Variants in PRDM11 observed in about 807,000 individuals in gnomAD.
The protein encoded by PRDM11 is PR/SET domain 11.
PRDM11 carries 20 observed loss-of-function variants against 97.8 expected under a neutral mutation model. That is an observed-to-expected ratio of 0.20 (90% CI 0.14 to 0.30). The LOEUF is 0.30. PRDM11 is among the 10% of genes least tolerant of loss of function. PRDM11 has a pLI of 1.00. For synonymous variants in PRDM11, 599 were observed against 637.7 expected (o/e 0.94, Z 0.91); for missense variants, 1,139 against 1,555.2 (o/e 0.73, Z 4.50).
chr11:45,212,830 G>C (rs1397458238), intron 5 of PRDM11: 1 of 451,546 alleles, frequency 2.2e-6, no homozygotes, highest in Non-Finnish European at 4.5e-6. Flanking sequence ...CCATGGCCGA[G>C]CTGACCAGCC....
intron 5 of PRDM11, chr11:45,212,863 G>A (rs1487754459): frequency 1.6e-5 from 7 of 438,254 alleles, no homozygotes; most frequent in Admixed American, 2.4e-5. Flanking sequence ...TGTGCCAGAC[G>A]CTGACAGAGA....
At chr11:45,225,093 G>T (rs1854242048) in intron 7 of PRDM11, 2 of 1,435,062 alleles carry the variant, frequency 1.4e-6, no homozygotes, top group Non-Finnish European at 1.8e-6. Context: ...GCTGCAGAAG[G>T]GGTGTGTGCT....
At chr11:45,180,267 C>A (rs1399970990) in intron 1 of PRDM11, among the ~76,000 whole-genome samples, 3 of 152,228 alleles carry the variant, frequency 2.0e-5, no homozygotes, top group Admixed American at 6.5e-5. Context: ...CCTGGCATAA[C>A]GCAGCCAGGA....
At chr11:45,133,993 C>T (rs1590365687) in intron 1 of PRDM11, among the ~76,000 whole-genome samples, 1 of 152,206 alleles carries the variant, frequency 6.6e-6, no homozygotes, top group African/African-American at 2.4e-5. Flanking sequence ...AGCCTTTGCC[C>T]TCTGCAGCTG....
chr11:45,155,928 T>TGCTA (rs1390081062), intron 1 of PRDM11, among the ~76,000 whole-genome samples: 1 of 152,154 alleles, frequency 6.6e-6, no homozygotes, highest in Non-Finnish European at 1.5e-5. Context: ...TGTCCCATGA[T>TGCTA]GCTAGTGTTA....
At chr11:45,182,131 T>C in intron 2 of PRDM11, 115 bp from the exon 3 acceptor site, 1 of 920,590 alleles carries the variant, frequency 1.1e-6, no homozygotes, top group Non-Finnish European at 1.7e-6. Context: ...CTGGGACTCC[T>C]CTGCCCACCC....
chr11:45,215,095 G>A (rs1423586104), intron 5 of PRDM11, among the ~76,000 whole-genome samples: 5 of 152,216 alleles, frequency 3.3e-5, no homozygotes, highest in African/African-American at 1.2e-4. Flanking sequence ...CTTTAGAAGG[G>A]TCAGGGGCTG....
chr11:45,189,727 G>T (rs1852840603), intron 4 of PRDM11, among the ~76,000 whole-genome samples: 1 of 152,184 alleles, frequency 6.6e-6, no homozygotes, highest in Non-Finnish European at 1.5e-5. Flanking sequence ...GGACGTGCCA[G>T]AGCTCATGGC....
At chr11:45,197,411 A>C (rs972213299) in intron 4 of PRDM11, among the ~76,000 whole-genome samples, 2 of 152,206 alleles carry the variant, frequency 1.3e-5, no homozygotes, top group African/African-American at 4.8e-5. Context: ...AGTAAGTCCC[A>C]GAGATCTACT....
intron 1 of PRDM11, among the ~76,000 whole-genome samples, chr11:45,134,889 T>C (rs753451306): frequency 3.3e-5 from 5 of 152,068 alleles, no homozygotes; most frequent in Non-Finnish European, 7.4e-5. Context: ...ATGTTTTCCA[T>C]GTTTGCAAAT....
intron 4 of PRDM11, among the ~76,000 whole-genome samples, chr11:45,190,538 C>A (rs1852875415): frequency 6.6e-6 from 1 of 150,888 alleles, no homozygotes; most frequent in Non-Finnish European, 1.5e-5. Context: ...CAGCCAAATT[C>A]CTAAGAGCAA....
At chr11:45,191,225 T>G (rs1852901049) in intron 4 of PRDM11, among the ~76,000 whole-genome samples, 1 of 152,236 alleles carries the variant, frequency 6.6e-6, no homozygotes, top group Non-Finnish European at 1.5e-5. Context: ...TTCTTCATGG[T>G]GGATTCCGAT....
At position 45,234,956 on chromosome 11, in the gene PRDM11, C is replaced by G. The variant is rs1000417126; in HGVS notation, c.*6797C>G. ...AAAACCTCTTGATGTTATTATTTTG[C>G]AGACTACGCTTTATAGTACCTGTGT... is the stretch of plus-strand genomic sequence containing the variant. On this transcript the variant is annotated 3_prime_UTR_variant, in exon 8 of 8. Transcript: ENST00000683152. 1 of 152,126 alleles carries G rather than the reference C, an allele frequency of 6.6e-6. No individual in the cohort carries two copies. Among genetic ancestry groups the G allele is most frequent in the African/African-American group, 2.4e-5 (1 of 41,436 alleles). 9.4% of individuals were successfully genotyped at this position (152,126 alleles called of 1,614,324 possible).
At chr11:45,153,843 C>T (rs1191938232) in intron 1 of PRDM11, among the ~76,000 whole-genome samples, 1 of 152,160 alleles carries the variant, frequency 6.6e-6, no homozygotes, top group Non-Finnish European at 1.5e-5. Flanking sequence ...ATGTATGGAG[C>T]ACCAGGACAC....
At chr11:45,212,550 A>C (rs528064892) in intron 5 of PRDM11, 104 of 455,938 alleles carry the variant, frequency 2.3e-4, no homozygotes, top group African/African-American at 2.0e-3. Context: ...GAAGAGGCCC[A>C]CCTGGCCAGG....
At chr11:45,195,056 G>A (rs1853068883) in intron 4 of PRDM11, among the ~76,000 whole-genome samples, 1 of 151,646 alleles carries the variant, frequency 6.6e-6, no homozygotes, top group Admixed American at 6.6e-5. Flanking sequence ...TGCCTTCCTG[G>A]CATCCCATTG....
At chr11:45,183,226 A>ACCATC in intron 4 of PRDM11, 103 bp downstream of exon 4, 2 of 1,400,658 alleles carry the variant, frequency 1.4e-6, no homozygotes, top group Non-Finnish European at 1.9e-6. Context: ...GAACTTTTCT[A>ACCATC]CCATCGCTTC....
In PRDM11 at chr11:45,226,038, T is replaced by C. The variant is rs1854266412; in HGVS notation, c.1413T>C (p.Asp471=). The C allele has an allele frequency of 6.6e-7, 1 of 1,512,728 alleles. No individual in the cohort carries two copies. Among genetic ancestry groups the C allele is most frequent in the African/African-American group, 1.4e-5 (1 of 72,602 alleles). The allele number at this position is 1,512,728 out of a possible 1,614,324, so 93.7% of individuals were successfully genotyped here. A position where few individuals can be genotyped will look rare whatever the true frequency, so the allele number is the denominator to read the frequency against. ...MVSGPAIMED[D]DQEVDSADES... ...CCGGCCCCGCCATCATGGAGGATGA[T>C]GACCAGGAAGTCGATTCAGCAGATG... The change falls in exon 8 of 8, where the codon GAT becomes GAC. Residue 471 remains aspartate, a synonymous_variant. Coordinates refer to ENST00000683152, the MANE Select transcript of PRDM11 (RefSeq NM_001384648.1).
chr11:45,185,619 A>G (rs750079597), intron 4 of PRDM11, among the ~76,000 whole-genome samples: 3 of 152,176 alleles, frequency 2.0e-5, no homozygotes, highest in Admixed American at 6.5e-5. Context: ...AACCTTTTAC[A>G]TCACCTCAGA....
Sources: allele counts gnomAD v4.1 joint callset (sites outside exome capture counted in the v4.1 genomes callset), GRCh38; gene constraint gnomAD v4.1.1; transcripts MANE v1.5; gene names NCBI Gene and HGNC (gene_info 2026-07-23, HGNC 2026-07-21).